PALM2AKAP2: variants seen among roughly 807,000 people sequenced by gnomAD.
PALM2AKAP2 encodes the protein PALM2 and AKAP2 fusion.
A neutral mutation model predicts 71.5 loss-of-function variants in PALM2AKAP2; 37 were observed. The observed-to-expected ratio is 0.52, with a 90% CI of 0.40 to 0.68. The LOEUF (loss-of-function observed/expected upper bound fraction) is 0.68, where lower values mean the gene tolerates loss of function less well. PALM2AKAP2 is among the 30% of genes least tolerant of loss of function. The probability of loss-of-function intolerance (pLI) is 0.00; values close to 1 mark genes in which losing one functional copy is unlikely to be tolerated. For missense variants in PALM2AKAP2, 1,224 were observed against 1,191.8 expected (o/e 1.03, Z -0.40); for synonymous variants, 468 against 478.8 (o/e 0.98, Z 0.29).
At chr9:110,014,099 C>T (rs577519535) in intron 6 of PALM2AKAP2, among the ~76,000 whole-genome samples, 15 of 152,204 alleles carry the variant, frequency 9.9e-5, no homozygotes, top group Admixed American at 2.6e-4. Context: ...TACTATGTGA[C>T]GAGCAGAAGA....
chr9:109,693,979 A>G (rs1317710437), intron 1 of PALM2AKAP2, among the ~76,000 whole-genome samples: 1 of 151,982 alleles, frequency 6.6e-6, no homozygotes, highest in Non-Finnish European at 1.5e-5. Flanking sequence ...CCACCATATG[A>G]TATGATATTA....
upstream of PALM2AKAP2, among the ~76,000 whole-genome samples, chr9:110,048,144 A>G (rs962266400): frequency 6.6e-6 from 1 of 152,130 alleles, no homozygotes. Context: ...TACTGCCACA[A>G]AGACGCACTT....
At chr9:110,053,527 CAAAAAAA>C (rs56132919) in intron 1 of PALM2AKAP2, among the ~76,000 whole-genome samples, 17 of 82,874 alleles carry the variant, frequency 2.1e-4, no homozygotes, top group African/African-American at 5.5e-4. Context: ...AACTCTGTCT[CAAAAAAA>C]AAAAAAAAAA....
rs971263900 is a variant in PALM2AKAP2, at chr9:110,069,284, A to T, written c.156+20429A>T. Among the ~76,000 whole-genome samples the T allele has an allele frequency of 2.0e-5, 3 of 152,254 alleles. No individual in the cohort carries two copies. In the South Asian group the frequency reaches 6.2e-4, roughly 31 times the overall value. Reference sequence around the variant, plus strand: ...CTGGCGCATGCTGTTTTCAATAAATATAAATTCTGCTCCCAACCATTCAAC... The same window carrying T: ...CTGGCGCATGCTGTTTTCAATAAATTTAAATTCTGCTCCCAACCATTCAAC... On this transcript the variant is annotated intron_variant, in intron 1 of 3. Transcript: ENST00000374525.
chr9:109,958,044 G>A (rs1384504631), intron 6 of PALM2AKAP2, among the ~76,000 whole-genome samples: 1 of 151,990 alleles, frequency 6.6e-6, no homozygotes, highest in Non-Finnish European at 1.5e-5. Context: ...TTCTTCTTCT[G>A]TAGAATGGGA....
At chr9:109,737,528 T>C (rs1308017530) in intron 1 of PALM2AKAP2, among the ~76,000 whole-genome samples, 7 of 152,162 alleles carry the variant, frequency 4.6e-5, no homozygotes, top group Non-Finnish European at 1.0e-4. Context: ...AAATGAAGCA[T>C]GCCAGGAGAC....
chr9:109,861,520 G>C (rs1391580599), intron 1 of PALM2AKAP2, among the ~76,000 whole-genome samples: 1 of 152,062 alleles, frequency 6.6e-6, no homozygotes, highest in Non-Finnish European at 1.5e-5. Flanking sequence ...TTTATAGAAA[G>C]TGAATGAAAG....
At chr9:109,974,890 A>G (rs573489433) in intron 6 of PALM2AKAP2, among the ~76,000 whole-genome samples, 3 of 152,334 alleles carry the variant, frequency 2.0e-5, no homozygotes, top group Admixed American at 1.3e-4. Context: ...TGCAAAAGGC[A>G]TCTGAAAGGT....
intron 6 of PALM2AKAP2, among the ~76,000 whole-genome samples, chr9:109,940,087 C>A (rs921540093): frequency 6.6e-6 from 1 of 152,118 alleles, no homozygotes; most frequent in Non-Finnish European, 1.5e-5. Flanking sequence ...ATTACAACAA[C>A]CATATTAGAC....
chr9:109,791,962 C>A (rs1446767089), intron 1 of PALM2AKAP2, among the ~76,000 whole-genome samples: 1 of 152,160 alleles, frequency 6.6e-6, no homozygotes, highest in Non-Finnish European at 1.5e-5. Context: ...GACCCTCCCC[C>A]TCTACCCCCA....
intron 1 of PALM2AKAP2, among the ~76,000 whole-genome samples, chr9:109,742,031 C>T (rs894966477): frequency 1.3e-5 from 2 of 152,188 alleles, no homozygotes; most frequent in Admixed American, 1.3e-4. Context: ...ACATTGCACA[C>T]ACTTTGAGAA....
chr9:110,170,159 G>A (rs1836824350), exon 4 of PALM2AKAP2: 1 of 152,010 alleles, frequency 6.6e-6, no homozygotes, highest in South Asian at 2.1e-4. Flanking sequence ...TTCAATAATT[G>A]GGTGCCCTAA....
chr9:110,098,225 C>T (rs1460119689), intron 1 of PALM2AKAP2, among the ~76,000 whole-genome samples: 1 of 151,464 alleles, frequency 6.6e-6, no homozygotes, highest in East Asian at 1.9e-4. Context: ...GCTCTGCAGC[C>T]AGACTGCCTG....
At chr9:110,023,305 C>CTTTTTTTTTTATTTTTTTT (rs1833108418) in intron 7 of PALM2AKAP2, among the ~76,000 whole-genome samples, 1 of 74,038 alleles carries the variant, frequency 1.4e-5, no homozygotes, top group African/African-American at 6.2e-5. Flanking sequence ...ATTGTGGTTT[C>CTTTTTTTTTTATTTTTTTT]TTTTTTTTTT....
At chr9:109,911,252 C>T (rs190481289) in intron 3 of PALM2AKAP2, among the ~76,000 whole-genome samples, 1 of 152,252 alleles carries the variant, frequency 6.6e-6, no homozygotes, top group East Asian at 1.9e-4. Context: ...ATCTCACTTT[C>T]CTGTAATCAA....
chr9:110,146,045 C>T (rs1836161308), intron 2 of PALM2AKAP2, among the ~76,000 whole-genome samples: 2 of 151,706 alleles, frequency 1.3e-5, no homozygotes, highest in African/African-American at 4.8e-5. Flanking sequence ...ACTACAGGTG[C>T]CCACCACCGC....
chr9:110,155,328 G>A (rs1413774186), intron 2 of PALM2AKAP2, among the ~76,000 whole-genome samples: 4 of 152,140 alleles, frequency 2.6e-5, no homozygotes, highest in South Asian at 2.1e-4. Flanking sequence ...GGTTTTAGCC[G>A]CATCAACCAC....
intron 3 of PALM2AKAP2, among the ~76,000 whole-genome samples, chr9:109,906,736 G>A (rs555095086): frequency 1.4e-4 from 22 of 152,226 alleles, no homozygotes; most frequent in East Asian, 7.7e-4. Context: ...ATCCAAATCC[G>A]TTCTTTTCAC....
At chr9:109,746,211 T>C (rs1424768735) in intron 1 of PALM2AKAP2, among the ~76,000 whole-genome samples, 1 of 152,226 alleles carries the variant, frequency 6.6e-6, no homozygotes, top group Non-Finnish European at 1.5e-5. Context: ...AAATCCACTG[T>C]GCTCTTGGTC....
Sources: gnomAD v4.1 joint callset for allele counts (sites outside exome capture counted in the v4.1 genomes callset) on GRCh38, gnomAD v4.1.1 for gene constraint, MANE v1.5 for transcripts, NCBI Gene and HGNC (gene_info 2026-07-23, HGNC 2026-07-21) for gene names.